MCF2L2: variants seen among roughly 807,000 people sequenced by gnomAD.
MCF2L2 encodes MCF.2 cell line derived transforming sequence-like 2, also known as probable guanine nucleotide exchange factor MCF2L2.
A neutral mutation model predicts 150.2 loss-of-function variants in MCF2L2; 102 were observed. The ratio of observed to expected loss-of-function variants is 0.68; its 90% CI spans 0.58 to 0.80. The LOEUF is 0.80. MCF2L2 is among the 30% of genes least tolerant of loss of function. The pLI is 0.00. For missense variants in MCF2L2, 1,256 were observed against 1,372.8 expected (o/e 0.91, Z 1.34); for synonymous variants, 465 against 491.3 (o/e 0.95, Z 0.71).
chr3:183,384,268 G>A (rs1356315472), intron 2 of MCF2L2, among the ~76,000 whole-genome samples: 1 of 152,220 alleles, frequency 6.6e-6, no homozygotes, highest in Non-Finnish European at 1.5e-5. Flanking sequence ...AACTTTGGGA[G>A]AAATTTAGTT....
At chr3:183,229,534 C>T in intron 17 of MCF2L2, 132 bp downstream of exon 17, 1 of 509,608 alleles carries the variant, frequency 2.0e-6, no homozygotes, top group Non-Finnish European at 3.5e-6. Context: ...CCACCCCAAT[C>T]CAATCCACTG....
intron 5 of MCF2L2, among the ~76,000 whole-genome samples, chr3:183,334,606 G>A (rs1322759521): frequency 1.3e-5 from 2 of 151,526 alleles, no homozygotes; most frequent in Non-Finnish European, 2.9e-5. Context: ...TGGCCAACAT[G>A]GTGAAACCCT....
At chr3:183,277,817 A>G (rs1383230995) in intron 14 of MCF2L2, among the ~76,000 whole-genome samples, 1 of 151,398 alleles carries the variant, frequency 6.6e-6, no homozygotes, top group Non-Finnish European at 1.5e-5. Flanking sequence ...TGTCAGTCCA[A>G]TAAGAATCTA....
chr3:183,223,437 AC>A lies in MCF2L2; in HGVS notation c.2209del (p.Val737TyrfsTer24). The A allele has an allele frequency of 6.2e-7, 1 of 1,612,558 alleles. No individual in the cohort carries two copies. Among genetic ancestry groups the A allele is most frequent in the Non-Finnish European group, 8.5e-7 (1 of 1,178,514 alleles). On this transcript the variant is annotated frameshift_variant and splice_region_variant, in exon 20 of 30. Coordinates refer to ENST00000328913, the MANE Select transcript of MCF2L2 (RefSeq NM_015078.4). LOFTEE classifies it high-confidence loss of function. ...QECQDCAYFGVCQRQLDHNLP... is the reference protein window; with the variant it reads ...QECQDCAYFGXCQRQLDHNLP... ...ATTGTGATCCAGTTGGCGCTGGCAT[AC>A]CTTTAAAAGCCAAATAGAAACAACA...
chr3:183,289,953 C>T (rs1317330766), intron 13 of MCF2L2, among the ~76,000 whole-genome samples: 5 of 152,196 alleles, frequency 3.3e-5, no homozygotes, highest in Non-Finnish European at 5.9e-5. Flanking sequence ...GCTGCTTTGG[C>T]ATGCATCATG....
intron 6 of MCF2L2, among the ~76,000 whole-genome samples, chr3:183,321,867 C>T (rs919914270): frequency 6.6e-6 from 1 of 152,316 alleles, no homozygotes; most frequent in South Asian, 2.1e-4. Flanking sequence ...TTATAAGCAG[C>T]AGAAATTGAT....
intron 3 of MCF2L2, chr3:183,378,007 T>C (rs1713289552): frequency 6.6e-6 from 1 of 152,086 alleles, no homozygotes; most frequent in South Asian, 2.1e-4. Context: ...TCTGAAGAAA[T>C]AAGATGGGCA....
rs533281307 is a variant in MCF2L2 at position 183,233,361 on chromosome 3, A to T, written c.1863-2344T>A. ...GAGTGAAACTCCATCTCAAAAAAAA[A>T]ATATATATATACATACATATAGATA... On this transcript the variant is annotated intron_variant, in intron 15 of 29. Transcript: ENST00000328913. Among the ~76,000 whole-genome samples the T allele has an allele frequency of 5.1e-3, 767 of 150,626 alleles. 4 individuals carry two copies. The highest frequency in any genetic ancestry group is 0.01 in the Middle Eastern group (3 of 292).
chr3:183,191,305 T>C (rs1220254031), intron 27 of MCF2L2, among the ~76,000 whole-genome samples: 2 of 152,170 alleles, frequency 1.3e-5, no homozygotes, highest in Non-Finnish European at 1.5e-5. Context: ...GAGAGGCACA[T>C]TTGTTACAAT....
intron 7 of MCF2L2, 90 bp from the exon 8 acceptor site, chr3:183,311,862 T>A (rs1729393793): frequency 1.7e-6 from 2 of 1,194,232 alleles, no homozygotes; most frequent in Non-Finnish European, 2.3e-6. Flanking sequence ...GATCAGTACA[T>A]TTTTCATTTA....
In MCF2L2 at chr3:183,206,139, C is replaced by G. The variant is rs547169741; in HGVS notation, c.2788G>C (p.Glu930Gln). 57 of 1,614,164 alleles carry G rather than the reference C, an allele frequency of 3.5e-5. 2 individuals carry two copies. The South Asian group carries it at 5.4e-4, about 15-fold the overall frequency. The change falls in exon 24 of 30, where the codon GAG (glutamate) becomes CAG (glutamine). Residue 930 changes from glutamate (E) to glutamine (Q), a missense_variant. Coordinates refer to ENST00000328913, the MANE Select transcript of MCF2L2 (RefSeq NM_015078.4). ...AGCGTTACCTGCAGGATGTATTTCT[C>G]AAGTCCATTTCGACTGGCAATCTCA... ...KFEIASRNGL[E>Q]KYILQAASKE...
At chr3:183,246,320 C>A (rs959387130) in intron 15 of MCF2L2, among the ~76,000 whole-genome samples, 1 of 152,168 alleles carries the variant, frequency 6.6e-6, no homozygotes, top group Non-Finnish European at 1.5e-5. Flanking sequence ...CAAACTGAAT[C>A]TCTGTACCTA....
intron 15 of MCF2L2, among the ~76,000 whole-genome samples, chr3:183,233,610 A>T (rs1003219231): frequency 1.3e-5 from 2 of 152,132 alleles, no homozygotes; most frequent in Non-Finnish European, 2.9e-5. Flanking sequence ...AATATACGTA[A>T]AACTGTATAT....
At chr3:183,210,549 G>A (rs1301729297) in intron 22 of MCF2L2, among the ~76,000 whole-genome samples, 1 of 152,166 alleles carries the variant, frequency 6.6e-6, no homozygotes, top group Non-Finnish European at 1.5e-5. Context: ...ATGATAGAAA[G>A]AGGAACATGT....
At chr3:183,315,817 C>A (rs1161510195) in intron 7 of MCF2L2, among the ~76,000 whole-genome samples, 1 of 152,198 alleles carries the variant, frequency 6.6e-6, no homozygotes, top group Non-Finnish European at 1.5e-5. Flanking sequence ...TACAGCAAGA[C>A]CTGACTGGCT....
In MCF2L2 at chr3:183,238,779, C is replaced by T. The variant is rs531758737; in HGVS notation, c.1863-7762G>A. 2.4e-3 allele frequency among the ~76,000 whole-genome samples: 366 copies of T among 150,818 alleles called. 1 individual carries two copies. The highest frequency in any genetic ancestry group is 0.014 in the Middle Eastern group (4 of 294). ...TTGGGAGGCCGAGGCAGGCGGATCA[C>T]GAGGTCAGGAGATGTAGACCATCCT... On this transcript the variant is annotated intron_variant, in intron 15 of 29. Coordinates refer to ENST00000328913, the MANE Select transcript of MCF2L2 (RefSeq NM_015078.4).
At chr3:183,385,425 G>A (rs914296198) in intron 2 of MCF2L2, among the ~76,000 whole-genome samples, 5 of 152,134 alleles carry the variant, frequency 3.3e-5, no homozygotes, top group African/African-American at 1.2e-4. Context: ...CTCACCCCTG[G>A]GAGCCCTACC....
intron 1 of MCF2L2, among the ~76,000 whole-genome samples, chr3:183,404,408 CAT>C (rs1218519908): frequency 6.6e-6 from 1 of 152,176 alleles, no homozygotes; most frequent in Non-Finnish European, 1.5e-5. Context: ...GCTCATATGT[CAT>C]ACAAAATCAC....
chr3:183,190,501 G>A (rs1419167514), intron 27 of MCF2L2, among the ~76,000 whole-genome samples: 1 of 152,252 alleles, frequency 6.6e-6, no homozygotes, highest in Admixed American at 6.5e-5. Flanking sequence ...AGCTAGGGCA[G>A]GGAAGAAGCC....
Sources: allele counts gnomAD v4.1 joint callset (sites outside exome capture counted in the v4.1 genomes callset), GRCh38; gene constraint gnomAD v4.1.1; transcripts MANE v1.5; gene names NCBI Gene and HGNC (gene_info 2026-07-23, HGNC 2026-07-21).